Variants in SYT10 observed in about 807,000 individuals in gnomAD.
SYT10 encodes the protein synaptotagmin 10.
In SYT10, 31 loss-of-function variants were observed where a neutral mutation model predicts 51.1. That is an observed-to-expected ratio of 0.61 (90% CI 0.46 to 0.82). The LOEUF (loss-of-function observed/expected upper bound fraction) is 0.82, where lower values mean the gene tolerates loss of function less well. Among genes scored for constraint, SYT10 ranks in the 40% least tolerant of loss-of-function variants. The pLI is 0.00. For synonymous variants in SYT10, 233 were observed against 225.9 expected (o/e 1.03, Z -0.28); for missense variants, 603 against 634.0 (o/e 0.95, Z 0.53).
intron 6 of SYT10, among the ~76,000 whole-genome samples, chr12:33,379,549 CAAAAAAAAAAAAA>C (rs71068377): frequency 3.2e-4 from 7 of 22,060 alleles, no homozygotes; most frequent in Non-Finnish European, 4.1e-4. Context: ...TCAGGCTATG[CAAAAAAAAAAAAA>C]AAAAAAAAAA....
At chr12:33,434,503 A>G (rs2138441591) in intron 1 of SYT10, among the ~76,000 whole-genome samples, 1 of 152,318 alleles carries the variant, frequency 6.6e-6, no homozygotes, top group Admixed American at 6.5e-5. Context: ...TCATTCATTC[A>G]TTTAAAAAAT....
chr12:33,383,993 C>G (rs147487505), intron 4 of SYT10, among the ~76,000 whole-genome samples: 94 of 152,200 alleles, frequency 6.2e-4, no homozygotes, highest in Non-Finnish European at 1.2e-3. Flanking sequence ...TGACCCAAGA[C>G]TTTTTCACCA....
chr12:33,390,151 T>C (rs1866191214), intron 3 of SYT10, among the ~76,000 whole-genome samples: 1 of 152,214 alleles, frequency 6.6e-6, no homozygotes, highest in African/African-American at 2.4e-5. Flanking sequence ...TTTGCTATAG[T>C]CCTGGCGGAG....
chr12:33,438,451 A>C (rs1449635600), intron 1 of SYT10, among the ~76,000 whole-genome samples: 2 of 152,200 alleles, frequency 1.3e-5, no homozygotes, highest in African/African-American at 4.8e-5. Flanking sequence ...GGAGCACAGC[A>C]GGCTGGACAC....
chr12:33,406,661 A>G (rs895139652), intron 3 of SYT10, 128 bp downstream of exon 3: 3 of 769,692 alleles, frequency 3.9e-6, no homozygotes, highest in African/African-American at 3.5e-5. Flanking sequence ...ATGAAATTCT[A>G]CCTTTGCAGG....
At chr12:33,424,344 C>T (rs1866531249) in intron 2 of SYT10, among the ~76,000 whole-genome samples, 1 of 152,096 alleles carries the variant, frequency 6.6e-6, no homozygotes, top group African/African-American at 2.4e-5. Flanking sequence ...ACATTGATTA[C>T]CTGAATTTGT....
At chr12:33,430,484 T>G (rs190094733) in intron 1 of SYT10, among the ~76,000 whole-genome samples, 11 of 152,318 alleles carry the variant, frequency 7.2e-5, no homozygotes, top group African/African-American at 2.4e-4. Context: ...GCAGCTAACA[T>G]GATCATGCAG....
chr12:33,397,634 T>C (rs1444233093), intron 3 of SYT10, among the ~76,000 whole-genome samples: 3 of 151,940 alleles, frequency 2.0e-5, no homozygotes, highest in Admixed American at 6.6e-5. Context: ...CTAGGAGATA[T>C]ACAGCATCTT....
intron 2 of SYT10, among the ~76,000 whole-genome samples, chr12:33,423,244 A>G (rs1866521249): frequency 3.3e-5 from 5 of 152,046 alleles, no homozygotes; most frequent in Admixed American, 2.6e-4. Flanking sequence ...AGGAGTCCCA[A>G]CAGACTGGAG....
chr12:33,388,497 CT>C (rs1269309914), intron 3 of SYT10, among the ~76,000 whole-genome samples: 7 of 152,202 alleles, frequency 4.6e-5, no homozygotes, highest in African/African-American at 1.2e-4. Context: ...CTGAAAAATT[CT>C]TGTATTTTGG....
chr12:33,416,146 T>G (rs1005368376), intron 2 of SYT10, among the ~76,000 whole-genome samples: 10 of 133,956 alleles, frequency 7.5e-5, no homozygotes, highest in African/African-American at 2.8e-4. Context: ...AGTGGTGTGA[T>G]CTCAGCTTAC....
At position 33,407,076 on chromosome 12, in the gene SYT10, T is replaced by G; in HGVS notation, c.790A>C (p.Thr264Pro). ...TTCACATAAGGGTCAGAAGTTCCTGTGAAGTCTTTAGCAGGGAGATCTAAA... is the reference window on the plus strand; with the variant it reads ...TTCACATAAGGGTCAGAAGTTCCTGGGAAGTCTTTAGCAGGGAGATCTAAA... The part of the protein sequence containing the change: ...KALDLPAKDF[T>P]GTSDPYVKMY... The change falls in exon 3 of 7, where the codon ACA becomes CCA. Residue 264 changes from threonine to proline, a missense_variant. Thr to Pro is a conservative substitution (Grantham distance 38). Transcript: ENST00000228567. 1 of 1,614,134 alleles carries G rather than the reference T, an allele frequency of 6.2e-7. No individual in the cohort carries two copies. The highest frequency in any genetic ancestry group is 1.6e-4 in the Middle Eastern group (1 of 6,062).
intron 2 of SYT10, among the ~76,000 whole-genome samples, chr12:33,423,092 C>T (rs1246933327): frequency 6.6e-6 from 1 of 152,010 alleles, no homozygotes; most frequent in African/African-American, 2.4e-5. Flanking sequence ...GCAAAATGTC[C>T]ACGTACTTGA....
intron 4 of SYT10, among the ~76,000 whole-genome samples, chr12:33,384,762 T>C (rs1264777269): frequency 6.6e-6 from 1 of 152,208 alleles, no homozygotes. Context: ...TCGTGGAACA[T>C]GGCTATTTCC....
At chr12:33,434,002 G>C (rs987364824) in intron 1 of SYT10, among the ~76,000 whole-genome samples, 1 of 152,156 alleles carries the variant, frequency 6.6e-6, no homozygotes, top group African/African-American at 2.4e-5. Context: ...GCAAAGTGAT[G>C]ATTCCTACTT....
At position 33,396,466 on chromosome 12, in the gene SYT10, A is replaced by G. The variant is rs147734262; in HGVS notation, c.1077+10323T>C. On this transcript the variant is annotated intron_variant, in intron 3 of 6. Transcript: ENST00000228567. The stretch of plus-strand genomic sequence containing the variant: ...AGAGTAATTTACATCAGAATACTCT[A>G]ATTAAAAAGCAGAAACATCTGTGGC... Among the ~76,000 whole-genome samples, 17 of 152,336 alleles carry G rather than the reference A, an allele frequency of 1.1e-4. No individual in the cohort carries two copies. In the East Asian group the frequency reaches 3.3e-3, roughly 29 times the overall value.
Position 33,376,712 on chromosome 12 carries a change from A to G in SYT10, c.*118T>C, listed in dbSNP as rs10844567. 2.9e-5 allele frequency: 32 copies of G among 1,121,736 alleles called. No homozygotes were observed. The Middle Eastern group carries it at 1.4e-3, about 50-fold the overall frequency. The allele number at this position is 1,121,736 out of a possible 1,614,324, so 69.5% of individuals were successfully genotyped here. A position where few individuals can be genotyped will look rare whatever the true frequency, so the allele number is the denominator to read the frequency against. ...AAAAGCAAATAAAAAAGTGCACATC[A>G]AGTTTGTTCATTAGTACGGATATAT... On this transcript the variant is annotated 3_prime_UTR_variant, in exon 7 of 7. Coordinates refer to ENST00000228567, the MANE Select transcript of SYT10 (RefSeq NM_198992.4).
At chr12:33,408,187 T>A (rs1866375844) in intron 2 of SYT10, 1 of 152,198 alleles carries the variant, frequency 6.6e-6, no homozygotes, top group Non-Finnish European at 1.5e-5. Flanking sequence ...AGGTCCACAT[T>A]TTCTTATAAT....
chr12:33,422,103 T>TAA (rs954955112), intron 2 of SYT10, among the ~76,000 whole-genome samples: 1 of 149,394 alleles, frequency 6.7e-6, no homozygotes, highest in East Asian at 2.0e-4. Flanking sequence ...AAAAAAAACT[T>TAA]AAAAAAAAAG....
Sources: gnomAD v4.1 joint callset for allele counts (sites outside exome capture counted in the v4.1 genomes callset) on GRCh38, gnomAD v4.1.1 for gene constraint, MANE v1.5 for transcripts, NCBI Gene and HGNC (gene_info 2026-07-23, HGNC 2026-07-21) for gene names.